Variants in ANO6 observed in about 807,000 individuals in gnomAD.
ANO6 encodes the protein anoctamin 6, also known as anoctamin-6.
A neutral mutation model predicts 117.5 loss-of-function variants in ANO6; 106 were observed. The observed-to-expected ratio is 0.90, with a 90% CI of 0.77 to 1.06. The LOEUF (loss-of-function observed/expected upper bound fraction) is 1.06. Among genes scored for constraint, ANO6 ranks in the 50% least tolerant of loss-of-function variants. The pLI is 0.00. For missense variants in ANO6, 955 were observed against 1,121.1 expected, an observed-to-expected ratio of 0.85 and a Z score of 2.12; for synonymous variants, 367 against 385.1, an observed-to-expected ratio of 0.95 and a Z score of 0.55.
intron 1 of ANO6, among the ~76,000 whole-genome samples, chr12:45,267,516 A>G (rs765165154): frequency 6.6e-6 from 1 of 152,194 alleles, no homozygotes; most frequent in Non-Finnish European, 1.5e-5. Context: ...CTAGCCAGGC[A>G]TGGTGGCTCA....
chr12:45,279,027 T>C (rs889474394), intron 1 of ANO6, among the ~76,000 whole-genome samples: 1 of 152,212 alleles, frequency 6.6e-6, no homozygotes, highest in African/African-American at 2.4e-5. Flanking sequence ...GTCTTTTCAG[T>C]ATGGGATCCC....
chr12:45,358,667 A>G (rs1035490398), intron 8 of ANO6, among the ~76,000 whole-genome samples: 1 of 152,206 alleles, frequency 6.6e-6, no homozygotes, highest in African/African-American at 2.4e-5. Context: ...CCTGTGCTCA[A>G]AACTATTTGG....
At chr12:45,372,878 C>A (rs1209590310) in intron 9 of ANO6, among the ~76,000 whole-genome samples, 4 of 152,152 alleles carry the variant, frequency 2.6e-5, no homozygotes, top group South Asian at 2.1e-4. Context: ...CTTTAAATGT[C>A]AATGGACTAA....
intron 11 of ANO6, 34 bp from the exon 12 acceptor site, chr12:45,390,387 T>G (rs1280201679): frequency 1.3e-6 from 2 of 1,518,822 alleles, no homozygotes; most frequent in Non-Finnish European, 9.1e-7. Context: ...CAGTAATCCC[T>G]TGATTGACTA....
intron 2 of ANO6, among the ~76,000 whole-genome samples, chr12:45,329,342 C>G (rs1023151323): frequency 2.6e-5 from 4 of 152,130 alleles, no homozygotes; most frequent in African/African-American, 9.7e-5. Flanking sequence ...GACTGGCACT[C>G]TTTTCTCTAG....
intron 1 of ANO6, among the ~76,000 whole-genome samples, chr12:45,246,454 G>T (rs1483210074): frequency 1.3e-5 from 2 of 152,190 alleles, no homozygotes; most frequent in African/African-American, 2.4e-5. Flanking sequence ...TAACTGCGAG[G>T]AAAGAGCAAT....
At chr12:45,340,330 A>G (rs554524459) in intron 3 of ANO6, among the ~76,000 whole-genome samples, 1 of 152,248 alleles carries the variant, frequency 6.6e-6, no homozygotes, top group Non-Finnish European at 1.5e-5. Context: ...ATTCTCCACC[A>G]TCAGTAATAG....
At chr12:45,219,390 C>T (rs1415472250) in intron 1 of ANO6, among the ~76,000 whole-genome samples, 1 of 152,116 alleles carries the variant, frequency 6.6e-6, no homozygotes, top group African/African-American at 2.4e-5. Context: ...GGCTGGAGTG[C>T]AGTGACGCAG....
intron 9 of ANO6, among the ~76,000 whole-genome samples, chr12:45,370,411 C>T (rs1055844565): frequency 6.6e-6 from 1 of 152,206 alleles, no homozygotes; most frequent in Non-Finnish European, 1.5e-5. Flanking sequence ...TCATAATGCT[C>T]CCATTTTACC....
intron 18 of ANO6, 113 bp from the exon 19 acceptor site, chr12:45,422,844 G>A (rs1943400827): frequency 8.5e-6 from 7 of 819,654 alleles, no homozygotes; most frequent in Non-Finnish European, 1.5e-5. Flanking sequence ...AAAGTGCTAG[G>A]ATTACAGGCA....
rs762369265 is a variant in ANO6 at position 45,416,699 on chromosome 12, T to G, written c.2012T>G (p.Ile671Ser). The G allele has an allele frequency of 6.2e-7, 1 of 1,613,972 alleles. No individual in the cohort carries two copies. Among genetic ancestry groups the G allele is most frequent in the Non-Finnish European group, 8.5e-7 (1 of 1,179,880 alleles). The stretch of plus-strand genomic sequence containing the variant: ...TGATGTGTGTCCATTCCATTGACAG[T>G]TATTCAGTTTGGGTTCGTCACCTTA... The part of the protein sequence containing the change: ...LGLFYEYLEM[I>S]IQFGFVTLFV... The change falls in exon 17 of 20, where the codon ATT becomes AGT. Residue 671 changes from isoleucine to serine, a missense_variant and splice_region_variant. Coordinates refer to ENST00000320560, the MANE Select transcript of ANO6 (RefSeq NM_001025356.3).
chr12:45,237,931 G>A (rs962967190), intron 1 of ANO6, among the ~76,000 whole-genome samples: 1 of 152,022 alleles, frequency 6.6e-6, no homozygotes, highest in Non-Finnish European at 1.5e-5. Context: ...CCTTGAAGAG[G>A]TCCCTCACAT....
At chr12:45,426,888 G>A (rs2137724771) in intron 19 of ANO6, among the ~76,000 whole-genome samples, 1 of 151,716 alleles carries the variant, frequency 6.6e-6, no homozygotes, top group Admixed American at 6.6e-5. Flanking sequence ...TGTTTGCAGA[G>A]CACCCCTCTC....
At chr12:45,267,096 A>G (rs1349104367) in intron 1 of ANO6, among the ~76,000 whole-genome samples, 1 of 152,074 alleles carries the variant, frequency 6.6e-6, no homozygotes, top group Non-Finnish European at 1.5e-5. Context: ...TTTATCTGTT[A>G]TATTAGTTTG....
intron 13 of ANO6, among the ~76,000 whole-genome samples, chr12:45,402,530 C>A (rs1049186163): frequency 6.6e-6 from 1 of 152,180 alleles, no homozygotes; most frequent in Non-Finnish European, 1.5e-5. Context: ...AAGTGCTTCC[C>A]ACACTGCATA....
chr12:45,216,485 G>C, intron 1 of ANO6, 94 bp downstream of exon 1: 1 of 1,445,202 alleles, frequency 6.9e-7, no homozygotes. Flanking sequence ...TCTCCGCGGG[G>C]GAGGTTGGCC....
intron 2 of ANO6, among the ~76,000 whole-genome samples, chr12:45,310,103 G>A (rs1379424222): frequency 6.6e-6 from 1 of 152,134 alleles, no homozygotes; most frequent in African/African-American, 2.4e-5. Flanking sequence ...TTTATTTGCT[G>A]TATGTGGCTG....
chr12:45,403,610 TACATAGCC>T (rs60196535), intron 15 of ANO6, 74 bp downstream of exon 15: 90,968 of 1,235,796 alleles, frequency 0.074, 6,644 homozygotes, highest in East Asian at 0.39. Context: ...ATCATTTGCC[TACATAGCC>T]ACATAGCCAC....
Position 45,375,024 on chromosome 12 carries a change from A to G in ANO6, c.1105-3029A>G, listed in dbSNP as rs1191315618. 3.3e-5 allele frequency among the ~76,000 whole-genome samples: 5 copies of G among 151,900 alleles called. No individual in the cohort carries two copies. The South Asian group carries it at 6.3e-4, about 19-fold the overall frequency. Reference sequence around the variant, plus strand: ...AGCAAAGTCTCAGGATACAAAATCAATGTACAAAAATCACAAGCATTCTTA... The same window carrying G: ...AGCAAAGTCTCAGGATACAAAATCAGTGTACAAAAATCACAAGCATTCTTA... On this transcript the variant is annotated intron_variant, in intron 9 of 19. Coordinates refer to ENST00000320560, the MANE Select transcript of ANO6 (RefSeq NM_001025356.3).
Sources: allele counts gnomAD v4.1 joint callset (sites outside exome capture counted in the v4.1 genomes callset), GRCh38; gene constraint gnomAD v4.1.1; transcripts MANE v1.5; gene names NCBI Gene and HGNC (gene_info 2026-07-23, HGNC 2026-07-21).